The following AATF variants were observed in gnomAD, a reference collection of about 807,000 sequenced individuals.
AATF encodes the protein protein AATF.
In AATF, 48 loss-of-function variants were observed where a neutral mutation model predicts 63.7. The ratio of observed to expected loss-of-function variants is 0.75; its 90% CI spans 0.60 to 0.96. AATF has a LOEUF of 0.96. Ranked by LOEUF, AATF falls within the 40% of genes least tolerant of loss-of-function variation. The pLI, the probability that AATF is intolerant of heterozygous loss-of-function variation, is 0.00. For missense variants in AATF, 639 were observed against 685.7 expected (o/e 0.93, Z 0.76); for synonymous variants, 258 against 247.7 (o/e 1.04, Z -0.39).
At chr17:37,013,652 T>C (rs947457672) in intron 8 of AATF, among the ~76,000 whole-genome samples, 2 of 152,098 alleles carry the variant, frequency 1.3e-5, no homozygotes, top group African/African-American at 2.4e-5. Context: ...GGGATCTACC[T>C]CCATGGCCCA....
At chr17:37,006,394 A>G (rs1437129150) in intron 8 of AATF, among the ~76,000 whole-genome samples, 2 of 152,124 alleles carry the variant, frequency 1.3e-5, no homozygotes, top group Non-Finnish European at 2.9e-5. Context: ...GCTTGAACCC[A>G]GGAGACTGAG....
chr17:36,949,992 A>AT (rs1323440142), intron 1 of AATF, among the ~76,000 whole-genome samples: 1 of 152,258 alleles, frequency 6.6e-6, no homozygotes, highest in Non-Finnish European at 1.5e-5. Context: ...GATCCAAGTC[A>AT]TAGAAATAGA....
intron 4 of AATF, among the ~76,000 whole-genome samples, chr17:36,968,468 G>C (rs577970052): frequency 6.6e-6 from 1 of 150,466 alleles, no homozygotes; most frequent in Non-Finnish European, 1.5e-5. Flanking sequence ...TAGAGATGAG[G>C]TTTTGCTGTG....
intron 4 of AATF, among the ~76,000 whole-genome samples, chr17:36,963,982 G>T (rs1481343252): frequency 6.6e-6 from 1 of 152,064 alleles, no homozygotes; most frequent in Non-Finnish European, 1.5e-5. Flanking sequence ...TTCAGGACCA[G>T]CCTGGGCAAC....
intron 4 of AATF, among the ~76,000 whole-genome samples, chr17:36,973,639 G>A (rs1334298249): frequency 6.6e-6 from 1 of 152,186 alleles, no homozygotes; most frequent in African/African-American, 2.4e-5. Context: ...TTCACTAAGA[G>A]TTAGACTTTC....
chr17:36,954,549 T>C (rs577033984), intron 4 of AATF, among the ~76,000 whole-genome samples: 3 of 152,242 alleles, frequency 2.0e-5, no homozygotes, highest in Non-Finnish European at 4.4e-5. Flanking sequence ...GATGATCTTA[T>C]TTATATCTTT....
At chr17:36,973,765 TA>T (rs1423415968) in intron 4 of AATF, among the ~76,000 whole-genome samples, 1 of 152,202 alleles carries the variant, frequency 6.6e-6, no homozygotes, top group Non-Finnish European at 1.5e-5. Context: ...ATTCCTTATA[TA>T]AAATTTAGAA....
chr17:36,985,323 C>T (rs373838465), intron 4 of AATF, among the ~76,000 whole-genome samples: 2 of 152,070 alleles, frequency 1.3e-5, no homozygotes, highest in East Asian at 3.9e-4. Flanking sequence ...GGCTGGAGTG[C>T]CGTGGAGTGA....
At chr17:37,001,332 G>A (rs2071292709) in intron 8 of AATF, among the ~76,000 whole-genome samples, 1 of 147,458 alleles carries the variant, frequency 6.8e-6, no homozygotes, top group Non-Finnish European at 1.5e-5. Flanking sequence ...GAGAGAGAGA[G>A]AAAGGAGAGA....
rs534700699 is a variant in AATF, at chr17:36,950,539, G to C, written c.283+134G>C. The C allele has an allele frequency of 2.3e-4, 216 of 936,454 alleles. 1 individual carries two copies. In the African/African-American group the frequency reaches 3.3e-3, roughly 14 times the overall value. 58.0% of individuals were successfully genotyped at this position (936,454 alleles called of 1,614,324 possible). ...TTTGAGACAGAGTTTGGCTCTTGTT[G>C]CCCAGGCTGGAGTGTGATGGCGCCA... On this transcript the variant is annotated intron_variant, in intron 2 of 11. Coordinates refer to ENST00000619387, the MANE Select transcript of AATF (RefSeq NM_012138.4).
At chr17:36,990,120 T>A (rs2142250445) in intron 7 of AATF, among the ~76,000 whole-genome samples, 1 of 152,038 alleles carries the variant, frequency 6.6e-6, no homozygotes, top group South Asian at 2.1e-4. Flanking sequence ...ATGGTTGCCT[T>A]TTTTACTAAA....
At chr17:37,001,468 A>C (rs993630754) in intron 8 of AATF, among the ~76,000 whole-genome samples, 10 of 149,662 alleles carry the variant, frequency 6.7e-5, no homozygotes, top group African/African-American at 2.4e-4. Flanking sequence ...AAAAAAAAAA[A>C]AGGAACATAA....
intron 11 of AATF, among the ~76,000 whole-genome samples, chr17:37,040,485 T>C (rs1201120665): frequency 6.7e-6 from 1 of 149,552 alleles, no homozygotes; most frequent in Non-Finnish European, 1.5e-5. Flanking sequence ...AAAAAAACAG[T>C]GATTGATGTT....
At chr17:36,998,202 C>G (rs2142260014) in intron 8 of AATF, among the ~76,000 whole-genome samples, 1 of 151,844 alleles carries the variant, frequency 6.6e-6, no homozygotes, top group East Asian at 1.9e-4. Context: ...CAAATACCAC[C>G]TGTAACCCAG....
intron 8 of AATF, among the ~76,000 whole-genome samples, chr17:37,011,108 C>T (rs994372282): frequency 2.6e-5 from 4 of 152,194 alleles, no homozygotes; most frequent in South Asian, 2.1e-4. Flanking sequence ...TTGTGGCTTA[C>T]GCCTGTAATC....
At chr17:37,017,004 T>C (rs1217467420) in intron 8 of AATF, among the ~76,000 whole-genome samples, 5 of 152,232 alleles carry the variant, frequency 3.3e-5, no homozygotes, top group Admixed American at 6.5e-5. Context: ...AGAATATGTA[T>C]AGTACACAAA....
intron 8 of AATF, among the ~76,000 whole-genome samples, chr17:37,008,318 G>A (rs1219596392): frequency 6.6e-6 from 1 of 152,140 alleles, no homozygotes; most frequent in African/African-American, 2.4e-5. Flanking sequence ...TATAAGATGA[G>A]GAAACTGAAT....
chr17:36,989,137 A>G, intron 6 of AATF, 110 bp from the exon 7 acceptor site: 1 of 1,275,920 alleles, frequency 7.8e-7, no homozygotes, highest in Non-Finnish European at 1.1e-6. Context: ...GTCCCTCCTG[A>G]AAAGATGATT....
intron 5 of AATF, among the ~76,000 whole-genome samples, chr17:36,987,066 C>T (rs1206166137): frequency 2.0e-5 from 3 of 152,088 alleles, no homozygotes; most frequent in Non-Finnish European, 4.4e-5. Context: ...CAGCTCACTG[C>T]AGCCTCAAAC....
Sources: allele counts gnomAD v4.1 joint callset (sites outside exome capture counted in the v4.1 genomes callset), GRCh38; gene constraint gnomAD v4.1.1; transcripts MANE v1.5; gene names NCBI Gene and HGNC (gene_info 2026-07-23, HGNC 2026-07-21).